EDIL3: variants seen among roughly 807,000 people sequenced by gnomAD.
The protein encoded by EDIL3 is EGF-like repeat and discoidin I-like domain-containing protein 3.
A neutral mutation model predicts 67.4 loss-of-function variants in EDIL3; 37 were observed. The ratio of observed to expected loss-of-function variants is 0.55; its 90% confidence interval spans 0.42 to 0.72. The LOEUF is 0.72. EDIL3 is among the 30% of genes least tolerant of loss of function. The pLI is 0.00. For synonymous variants in EDIL3, 195 were observed against 196.3 expected (o/e 0.99, Z 0.05); for missense variants, 527 against 586.3 (o/e 0.90, Z 1.04).
chr5:84,315,922 C>G (rs1039989375), intron 1 of EDIL3, among the ~76,000 whole-genome samples: 19 of 152,284 alleles, frequency 1.2e-4, no homozygotes, highest in African/African-American at 3.4e-4. Context: ...TCAACAGAAA[C>G]TCTACATGCC....
chr5:83,984,157 G>C (rs575920956), intron 9 of EDIL3, among the ~76,000 whole-genome samples: 1 of 152,014 alleles, frequency 6.6e-6, no homozygotes, highest in Non-Finnish European at 1.5e-5. Context: ...AGGGACCCAA[G>C]AGTGAAAAAA....
At chr5:84,144,706 C>T (rs2112324136) in intron 4 of EDIL3, among the ~76,000 whole-genome samples, 1 of 152,160 alleles carries the variant, frequency 6.6e-6, no homozygotes, top group East Asian at 1.9e-4. Context: ...TAGTTCTTTT[C>T]TCCAAGTGTG....
chr5:84,329,818 T>C (rs1289948674), intron 1 of EDIL3, among the ~76,000 whole-genome samples: 1 of 152,078 alleles, frequency 6.6e-6, no homozygotes, highest in Non-Finnish European at 1.5e-5. Flanking sequence ...CATATTGTAT[T>C]CACAACAATA....
At chr5:84,159,952 T>C (rs771073101) in intron 4 of EDIL3, among the ~76,000 whole-genome samples, 11 of 152,132 alleles carry the variant, frequency 7.2e-5, no homozygotes, top group Non-Finnish European at 1.5e-4. Context: ...CATAATAGAA[T>C]AAATGCTAGC....
chr5:83,957,855 T>C (rs1744540573), intron 10 of EDIL3, among the ~76,000 whole-genome samples: 2 of 151,688 alleles, frequency 1.3e-5, no homozygotes, highest in South Asian at 4.2e-4. Flanking sequence ...CTGTGTCATA[T>C]TCAGATTTTT....
At chr5:84,052,033 GA>G (rs564628984) in intron 9 of EDIL3, among the ~76,000 whole-genome samples, 1 of 152,130 alleles carries the variant, frequency 6.6e-6, no homozygotes, top group African/African-American at 2.4e-5. Flanking sequence ...TGAAATGAAG[GA>G]AAAAACGTTA....
chr5:84,124,033 A>T (rs1580338177), intron 5 of EDIL3, among the ~76,000 whole-genome samples: 2 of 151,964 alleles, frequency 1.3e-5, no homozygotes, highest in African/African-American at 4.8e-5. Flanking sequence ...GATGAAGGTA[A>T]CTTTCTCCCT....
At chr5:84,198,260 T>C (rs1743756431) in intron 3 of EDIL3, among the ~76,000 whole-genome samples, 1 of 150,630 alleles carries the variant, frequency 6.6e-6, no homozygotes, top group African/African-American at 2.4e-5. Flanking sequence ...AAAAAAACCA[T>C]GCAAATGTGT....
intron 3 of EDIL3, among the ~76,000 whole-genome samples, chr5:84,186,146 A>G (rs556370827): frequency 1.3e-5 from 2 of 152,162 alleles, no homozygotes; most frequent in South Asian, 2.1e-4. Context: ...AAAAGTTTTG[A>G]CTTTGTGGTT....
intron 1 of EDIL3, among the ~76,000 whole-genome samples, chr5:84,265,328 T>A (rs1267629922): frequency 6.6e-6 from 1 of 152,224 alleles, no homozygotes; most frequent in Non-Finnish European, 1.5e-5. Flanking sequence ...TTAAGTCACC[T>A]CATTGCATAA....
At chr5:84,376,873 A>G (rs748030416) in intron 1 of EDIL3, among the ~76,000 whole-genome samples, 5 of 152,248 alleles carry the variant, frequency 3.3e-5, no homozygotes, top group Non-Finnish European at 5.9e-5. Context: ...ACATTAAAGC[A>G]CTGCGAATGG....
At chr5:83,960,772 T>G (rs760416051) in intron 10 of EDIL3, among the ~76,000 whole-genome samples, 1 of 150,906 alleles carries the variant, frequency 6.6e-6, no homozygotes, top group South Asian at 2.1e-4. Context: ...CACTGAAAAT[T>G]TGATTAATCT....
chr5:84,193,618 G>C (rs1375121004), intron 3 of EDIL3, among the ~76,000 whole-genome samples: 1 of 151,876 alleles, frequency 6.6e-6, no homozygotes, highest in Non-Finnish European at 1.5e-5. Context: ...AAGAATCCAG[G>C]ATCAAGACTC....
intron 6 of EDIL3, among the ~76,000 whole-genome samples, chr5:84,099,503 G>T (rs1580326413): frequency 6.6e-6 from 1 of 152,154 alleles, no homozygotes; most frequent in Non-Finnish European, 1.5e-5. Flanking sequence ...AATAAATGGT[G>T]TTGGGAAAAC....
intron 10 of EDIL3, among the ~76,000 whole-genome samples, chr5:83,962,631 C>T (rs1480960595): frequency 6.6e-5 from 10 of 151,372 alleles, no homozygotes; most frequent in African/African-American, 2.4e-4. Context: ...AAAAATAAAA[C>T]AAACCTATGA....
intron 9 of EDIL3, among the ~76,000 whole-genome samples, chr5:84,038,830 G>T (rs1746069527): frequency 6.6e-6 from 1 of 152,188 alleles, no homozygotes; most frequent in African/African-American, 2.4e-5. Context: ...CATGATTTTG[G>T]ATAAAACTTG....
chr5:84,367,145 G>A (rs1380903773), intron 1 of EDIL3, among the ~76,000 whole-genome samples: 1 of 152,156 alleles, frequency 6.6e-6, no homozygotes, highest in African/African-American at 2.4e-5. Flanking sequence ...GTCATGTGGG[G>A]AAGCACAGAT....
intron 3 of EDIL3, among the ~76,000 whole-genome samples, chr5:84,198,559 T>C (rs1387073526): frequency 1.3e-5 from 2 of 152,070 alleles, no homozygotes; most frequent in African/African-American, 2.4e-5. Flanking sequence ...TAAAGAAGAA[T>C]TAGCAATGAA....
intron 9 of EDIL3, among the ~76,000 whole-genome samples, chr5:84,015,194 G>A (rs1745580772): frequency 1.3e-5 from 2 of 152,198 alleles, no homozygotes. Flanking sequence ...ACACTGTGAT[G>A]CAATGTGGGC....
Sources: allele counts gnomAD v4.1 joint callset (sites outside exome capture counted in the v4.1 genomes callset), GRCh38; gene constraint gnomAD v4.1.1; transcripts MANE v1.5; gene names NCBI Gene and HGNC (gene_info 2026-07-23, HGNC 2026-07-21).